GRIA3: variants seen among roughly 807,000 people sequenced by gnomAD.
GRIA3 encodes glutamate ionotropic receptor AMPA type subunit 3.
In GRIA3, 3 loss-of-function variants were observed where a neutral mutation model predicts 63.0. The observed-to-expected ratio is 0.05, with a 90% CI of 0.02 to 0.12. The LOEUF is 0.12. Among genes scored for constraint, GRIA3 ranks in the 10% least tolerant of loss-of-function variants. GRIA3 has a pLI of 1.00. For synonymous variants in GRIA3, 274 were observed against 257.9 expected (o/e 1.06, Z -0.60); for missense variants, 347 against 700.9 (o/e 0.50, Z 5.70).
intron 13 of GRIA3, among the ~76,000 whole-genome samples, chrX:123,469,858 G>C (rs1202495739): frequency 2.7e-5 from 3 of 111,882 alleles, no homozygotes; most frequent in African/African-American, 9.7e-5. Flanking sequence ...AAAAGTTTAT[G>C]TTCTTATCCA....
chrX:123,225,882 C>CT (rs1433434508), intron 2 of GRIA3, among the ~76,000 whole-genome samples: 6 of 111,216 alleles, frequency 5.4e-5, no homozygotes, highest in African/African-American at 2.0e-4. Flanking sequence ...CTCTTGGTCC[C>CT]TTTCACCTAT....
At chrX:123,230,612 A>C (rs777883201) in intron 2 of GRIA3, among the ~76,000 whole-genome samples, 1 of 111,509 alleles carries the variant, frequency 9.0e-6, no homozygotes, top group East Asian at 2.8e-4. Flanking sequence ...TCAACTGGGT[A>C]TAAATTATAA....
intron 12 of GRIA3, among the ~76,000 whole-genome samples, chrX:123,455,834 T>G (rs185821210): frequency 5.4e-4 from 52 of 97,099 alleles, no homozygotes; most frequent in African/African-American, 1.8e-3. Context: ...AAGATCTATC[T>G]GAAACCTTTC....
At chrX:123,392,001 T>A (rs947392554) in intron 5 of GRIA3, among the ~76,000 whole-genome samples, 2 of 111,659 alleles carry the variant, frequency 1.8e-5, no homozygotes, top group Non-Finnish European at 3.8e-5. Flanking sequence ...AGCCAGGCCA[T>A]CTGGTGGTGC....
At chrX:123,452,786 A>G (rs2045740065) in intron 12 of GRIA3, among the ~76,000 whole-genome samples, 1 of 112,268 alleles carries the variant, frequency 8.9e-6, no homozygotes, top group Non-Finnish European at 1.9e-5. Context: ...TGGAGTGTTC[A>G]ATAGTGATAG....
intron 3 of GRIA3, among the ~76,000 whole-genome samples, chrX:123,257,779 T>TCCC (rs1168730136): frequency 1.8e-5 from 2 of 111,372 alleles, no homozygotes; most frequent in African/African-American, 6.5e-5. Flanking sequence ...AGGGCAGGGA[T>TCCC]GAGTGGGGAG....
At chrX:123,362,193 C>T (rs962378335) in intron 5 of GRIA3, among the ~76,000 whole-genome samples, 1 of 111,597 alleles carries the variant, frequency 9.0e-6, no homozygotes, top group Non-Finnish European at 1.9e-5. Flanking sequence ...GCAAGGAAAA[C>T]AGAGTGTATT....
intron 3 of GRIA3, among the ~76,000 whole-genome samples, chrX:123,308,256 A>C (rs1207524154): frequency 8.9e-6 from 1 of 112,045 alleles, no homozygotes; most frequent in East Asian, 2.8e-4. Context: ...GGGCTAATGA[A>C]TCACCTGAGA....
intron 3 of GRIA3, among the ~76,000 whole-genome samples, chrX:123,255,502 T>C (rs2044414756): frequency 9.1e-6 from 1 of 109,380 alleles, no homozygotes; most frequent in Non-Finnish European, 1.9e-5. Flanking sequence ...ACTTCTCTCC[T>C]GAAACATTTT....
intron 2 of GRIA3, among the ~76,000 whole-genome samples, chrX:123,238,295 C>G (rs1482036930): frequency 1.8e-5 from 2 of 110,974 alleles, no homozygotes; most frequent in Admixed American, 1.9e-4. Flanking sequence ...CAATGTGACT[C>G]CAGCTGGGTG....
chrX:123,202,440 C>T (rs1927767543), intron 2 of GRIA3, among the ~76,000 whole-genome samples: 1 of 112,406 alleles, frequency 8.9e-6, no homozygotes. Flanking sequence ...TGTGTTAATA[C>T]AATAAACTCA....
At chrX:123,242,895 T>C (rs893961003) in intron 2 of GRIA3, among the ~76,000 whole-genome samples, 4 of 112,442 alleles carry the variant, frequency 3.6e-5, no homozygotes, top group Non-Finnish European at 7.5e-5. Context: ...ATTTTTAAAA[T>C]AATATAAATA....
chrX:123,347,151 C>T (rs1299877044), intron 4 of GRIA3, among the ~76,000 whole-genome samples: 1 of 112,098 alleles, frequency 8.9e-6, no homozygotes, highest in African/African-American at 3.2e-5. Context: ...GGTGCTTGAA[C>T]TGTTAGCGTG....
rs778052374 is a variant in GRIA3 at position 123,326,181 on chromosome X, G to A, written c.664G>A (p.Glu222Lys). The A allele has an allele frequency of 8.3e-6, 10 of 1,207,351 alleles. No individual in the cohort carries two copies. Among genetic ancestry groups the A allele is most frequent in the African/African-American group, 1.8e-5 (1 of 56,957 alleles). The change falls in exon 4 of 16, where the codon GAA (glutamate) becomes AAA (lysine). Residue 222 changes from glutamate (E) to lysine (K), a missense_variant. Coordinates refer to ENST00000620443, the MANE Select transcript of GRIA3 (RefSeq NM_007325.5). ...RQEKRYLIDC[E>K]VERINTILEQ... ...GGAAAAGCGATACTTGATTGACTGC[G>A]AAGTCGAAAGGATTAACACAATTTT...
At chrX:123,216,319 C>T (rs1428620401) in intron 2 of GRIA3, among the ~76,000 whole-genome samples, 1 of 112,223 alleles carries the variant, frequency 8.9e-6, no homozygotes, top group African/African-American at 3.2e-5. Flanking sequence ...AACATTTCTT[C>T]CTCCTTTTAG....
At chrX:123,200,577 A>G (rs1927700699) in intron 2 of GRIA3, among the ~76,000 whole-genome samples, 1 of 91,887 alleles carries the variant, frequency 1.1e-5, no homozygotes, top group African/African-American at 3.9e-5. Flanking sequence ...ATATGAGCCC[A>G]TATATATACA....
intron 5 of GRIA3, among the ~76,000 whole-genome samples, chrX:123,374,075 G>A (rs1452946009): frequency 9.0e-6 from 1 of 111,508 alleles, no homozygotes; most frequent in African/African-American, 3.3e-5. Flanking sequence ...TCTACATATG[G>A]CTAGCCAGTT....
At chrX:123,278,877 C>G (rs2044569860) in intron 3 of GRIA3, among the ~76,000 whole-genome samples, 1 of 111,639 alleles carries the variant, frequency 9.0e-6, no homozygotes, top group Admixed American at 9.6e-5. Flanking sequence ...CAGCTTTGTT[C>G]TTTTTGCTCA....
At chrX:123,468,195 T>C (rs2045844352) in intron 13 of GRIA3, among the ~76,000 whole-genome samples, 1 of 111,431 alleles carries the variant, frequency 9.0e-6, no homozygotes, top group African/African-American at 3.3e-5. Flanking sequence ...CTTTGTCTTC[T>C]TCCTTCTTGC....
Sources: gnomAD v4.1 joint callset for allele counts (sites outside exome capture counted in the v4.1 genomes callset) on GRCh38, gnomAD v4.1.1 for gene constraint, MANE v1.5 for transcripts, NCBI Gene and HGNC (gene_info 2026-07-23, HGNC 2026-07-21) for gene names.